The following PACSIN1 variants were observed in gnomAD, a reference collection of about 807,000 sequenced individuals.
PACSIN1 encodes the protein protein kinase C and casein kinase substrate in neurons protein 1.
A neutral mutation model predicts 59.5 loss-of-function variants in PACSIN1; 15 were observed. That is an observed-to-expected ratio of 0.25 (90% CI 0.17 to 0.39). The LOEUF is 0.39. Among genes scored for constraint, PACSIN1 ranks in the 10% least tolerant of loss-of-function variants. The pLI, the probability that PACSIN1 is intolerant of heterozygous loss-of-function variation, is 1.00. For synonymous variants in PACSIN1, 210 were observed against 220.6 expected, an observed-to-expected ratio of 0.95 and a Z score of 0.42; for missense variants, 420 against 580.2, an observed-to-expected ratio of 0.72 and a Z score of 2.84.
In PACSIN1 at chr6:34,528,860, G is replaced by A; in HGVS notation, c.439G>A (p.Ala147Thr). The part of the protein sequence containing the change: ...DGFRKAQKPW[A>T]KKMKELEAAK... ...CTTCCGCAAGGCCCAGAAGCCTTGGGCCAAGAAGATGAAGGAGGTGCTCAG... is the reference window on the plus strand; with the variant it reads ...CTTCCGCAAGGCCCAGAAGCCTTGGACCAAGAAGATGAAGGAGGTGCTCAG... Residue 147 changes from alanine to threonine, a missense_variant, in exon 4 of 10, where the codon GCC becomes ACC. Ala to Thr is a moderately conservative substitution (Grantham distance 58). Coordinates refer to ENST00000244458, the MANE Select transcript of PACSIN1 (RefSeq NM_020804.5). The A allele has an allele frequency of 7.3e-7, 1 of 1,376,232 alleles. No homozygotes were observed. The allele number at this position is 1,376,232 out of a possible 1,614,324, so 85.3% of individuals were successfully genotyped here.
chr6:34,489,495 C>T (rs993736107), intron 1 of PACSIN1, among the ~76,000 whole-genome samples: 1 of 152,108 alleles, frequency 6.6e-6, no homozygotes, highest in African/African-American at 2.4e-5. Context: ...ACAGCCACAC[C>T]TCCTTCAATG....
intron 4 of PACSIN1, 38 bp downstream of exon 4, chr6:34,528,915 G>GGGGGGGGGGGGGGGC: frequency 3.1e-6 from 2 of 653,166 alleles, no homozygotes; most frequent in Non-Finnish European, 2.7e-6. Context: ...GGTGGGGTGG[G>GGGGGGGGGGGGGGGC]CCCGTCTGAT....
At position 34,527,316 on chromosome 6, in the gene PACSIN1, GC is replaced by G. The variant is rs769306536; in HGVS notation, c.64-15del. On this transcript the variant is annotated splice_polypyrimidine_tract_variant and intron_variant, in intron 2 of 9. Transcript: ENST00000244458. The stretch of plus-strand genomic sequence containing the variant: ...CTGGGAACCCGCGGGAGTGGTGCTC[GC>G]TGCTTGGCCGCCAGGTGGGGAACTA... The G allele has an allele frequency of 6.5e-7, 1 of 1,538,544 alleles. No individual in the cohort carries two copies. Among genetic ancestry groups the G allele is most frequent in the South Asian group, 1.2e-5 (1 of 82,666 alleles).
Position 34,532,652 on chromosome 6 carries a change from T to TA in PACSIN1, c.*126dup. The TA allele has an allele frequency of 1.5e-6, 1 of 656,226 alleles. No individual in the cohort carries two copies. The highest frequency in any genetic ancestry group is 2.7e-6 in the Non-Finnish European group (1 of 375,470). 40.7% of individuals were successfully genotyped at this position (656,226 alleles called of 1,614,324 possible). On this transcript the variant is annotated 3_prime_UTR_variant, in exon 10 of 10. Transcript: ENST00000244458. The surrounding 1 kb of genome is among the most constrained non-coding windows in gnomAD (Gnocchi z 5.2). ...TTTTCCGATCAAGCTTTTATTTTTT[T>TA]AAAAGTCAAAACAGAACAAAACAAA... is the stretch of plus-strand genomic sequence containing the variant.
intron 1 of PACSIN1, among the ~76,000 whole-genome samples, chr6:34,490,969 C>G (rs1375240338): frequency 6.6e-6 from 1 of 152,158 alleles, no homozygotes; most frequent in Non-Finnish European, 1.5e-5. Context: ...CTTGGGCCAG[C>G]CCCTGATCCT....
chr6:34,467,440 A>G (rs1766511913), intron 1 of PACSIN1, among the ~76,000 whole-genome samples: 2 of 152,212 alleles, frequency 1.3e-5, no homozygotes, highest in African/African-American at 4.8e-5. Flanking sequence ...ACTCTGGGAA[A>G]TAGCTGGCAA....
In PACSIN1 at chr6:34,532,060, G is replaced by A. The variant is rs1396572306; in HGVS notation, c.1225+273G>A. ...TGCGAGGATTTGCAGGGAACTAAAT[G>A]GGGCGTGGCCTGGGTTGTGGGCGTG... is the stretch of plus-strand genomic sequence containing the variant. On this transcript the variant is annotated intron_variant, in intron 9 of 9. Coordinates refer to ENST00000244458, the MANE Select transcript of PACSIN1 (RefSeq NM_020804.5). This position sits in a 1 kb window ranked among gnomAD's most constrained non-coding sequence, Gnocchi z 5.2. Among the ~76,000 whole-genome samples, 1 of 152,262 alleles carries A rather than the reference G, an allele frequency of 6.6e-6. No individual in the cohort carries two copies. Among genetic ancestry groups the A allele is most frequent in the Non-Finnish European group, 1.5e-5 (1 of 68,012 alleles).
intron 1 of PACSIN1, among the ~76,000 whole-genome samples, chr6:34,504,976 C>CTGT (rs1314565056): frequency 6.6e-6 from 1 of 151,336 alleles, no homozygotes; most frequent in East Asian, 1.9e-4. Context: ...TTGTTTTTCC[C>CTGT]TGTTATTATT....
At chr6:34,483,879 C>G (rs1166383631) in intron 1 of PACSIN1, among the ~76,000 whole-genome samples, 1 of 151,990 alleles carries the variant, frequency 6.6e-6, no homozygotes, top group Non-Finnish European at 1.5e-5. Flanking sequence ...GAACTCCCAA[C>G]CTCAGGTGAT....
Position 34,527,351 on chromosome 6 carries a change from C to CG in PACSIN1, c.83_84insG (p.Val29ArgfsTer6). On this transcript the variant is annotated frameshift_variant, in exon 3 of 10. Transcript: ENST00000244458. LOFTEE classifies it high-confidence loss of function. ...CGCCAGGTGGGGAACTACAAGCGGA[C>CG]CGTGAAGCGCATCGATGACGGCCAC... The CG allele has an allele frequency of 6.3e-7, 1 of 1,588,374 alleles. No homozygotes were observed. Among genetic ancestry groups the CG allele is most frequent in the Non-Finnish European group, 8.6e-7 (1 of 1,168,346 alleles).
In PACSIN1 at chr6:34,516,030, C is replaced by T. The variant is rs1037716029; in HGVS notation, c.-63-10213C>T. ...TTTGCCCTGAATGGAGCTGAGCCACCTTGGGTGGCATAGGGAGGAGATGCT... is the reference window on the plus strand; with the variant it reads ...TTTGCCCTGAATGGAGCTGAGCCACTTTGGGTGGCATAGGGAGGAGATGCT... On this transcript the variant is annotated intron_variant, in intron 1 of 9. Transcript: ENST00000244458. This position sits in a 1 kb window ranked among gnomAD's most constrained non-coding sequence, Gnocchi z 5.4. Among the ~76,000 whole-genome samples the T allele has an allele frequency of 3.3e-5, 5 of 152,118 alleles. No individual in the cohort carries two copies. The highest frequency in any genetic ancestry group is 9.7e-5 in the African/African-American group (4 of 41,422).
chr6:34,513,189 T>C (rs761715444), intron 1 of PACSIN1, among the ~76,000 whole-genome samples: 4 of 152,224 alleles, frequency 2.6e-5, no homozygotes, highest in African/African-American at 9.6e-5. Context: ...TTTTCTCTTA[T>C]CTCTTGGCAT....
At chr6:34,475,902 G>A (rs1766632732) in intron 1 of PACSIN1, among the ~76,000 whole-genome samples, 3 of 152,236 alleles carry the variant, frequency 2.0e-5, no homozygotes, top group African/African-American at 7.2e-5. Flanking sequence ...GCACAGCCAG[G>A]AAGGGGTTAG....
rs913444092 is a variant in PACSIN1 at position 34,532,031 on chromosome 6, G to C, written c.1225+244G>C. The stretch of plus-strand genomic sequence containing the variant: ...TGGGGTAGAGGCAGGATCTGAAGAC[G>C]GGTTGCGAGGATTTGCAGGGAACTA... On this transcript the variant is annotated intron_variant, in intron 9 of 9. Transcript: ENST00000244458. This position sits in a 1 kb window ranked among gnomAD's most constrained non-coding sequence, Gnocchi z 5.2. Among the ~76,000 whole-genome samples the C allele has an allele frequency of 6.6e-6, 1 of 152,222 alleles. No individual in the cohort carries two copies. The highest frequency in any genetic ancestry group is 6.5e-5 in the Admixed American group (1 of 15,292).
intron 1 of PACSIN1, among the ~76,000 whole-genome samples, chr6:34,501,703 A>G (rs542748537): frequency 4.6e-5 from 7 of 152,168 alleles, no homozygotes; most frequent in Non-Finnish European, 8.8e-5. Context: ...CACCAATATC[A>G]GCATGGGGAA....
chr6:34,521,352 C>T lies in PACSIN1; in HGVS notation c.-63-4891C>T, dbSNP rs763572379. On this transcript the variant is annotated intron_variant, in intron 1 of 9. Coordinates refer to ENST00000244458, the MANE Select transcript of PACSIN1 (RefSeq NM_020804.5). This position sits in a 1 kb window ranked among gnomAD's most constrained non-coding sequence, Gnocchi z 4.3. Reference sequence around the variant, plus strand: ...AATCCACACGGCGCCTTGGTCCACACGAGGCCTGGCCTCTCCAGGCTCCTG... The same window carrying T: ...AATCCACACGGCGCCTTGGTCCACATGAGGCCTGGCCTCTCCAGGCTCCTG... 6.6e-6 allele frequency among the ~76,000 whole-genome samples: 1 copy of T among 152,170 alleles called. No individual in the cohort carries two copies. The highest frequency in any genetic ancestry group is 2.4e-5 in the African/African-American group (1 of 41,436).
At chr6:34,510,843 G>T (rs1275800829) in intron 1 of PACSIN1, among the ~76,000 whole-genome samples, 2 of 152,192 alleles carry the variant, frequency 1.3e-5, no homozygotes, top group Non-Finnish European at 2.9e-5. Context: ...CTCCCGAGTA[G>T]CTGGGACTAC....
intron 1 of PACSIN1, among the ~76,000 whole-genome samples, chr6:34,524,422 C>T (rs561372420): frequency 4.6e-5 from 7 of 152,302 alleles, no homozygotes; most frequent in Admixed American, 4.6e-4. Flanking sequence ...TCTCCCCCTG[C>T]GTCCCCTGGC....
Position 34,504,288 on chromosome 6 carries a change from ATATTTTT to A in PACSIN1, c.-63-21953_-63-21947del, listed in dbSNP as rs1222358415. Reference sequence around the variant, plus strand: ...TGTGTGTGTATATATATATATATATATATTTTTTTTTTTTTTTTTTTAAACGGAGTTT... The same window carrying A: ...TGTGTGTGTATATATATATATATATATTTTTTTTTTTTTTAAACGGAGTTT... On this transcript the variant is annotated intron_variant, in intron 1 of 9. Coordinates refer to ENST00000244458, the MANE Select transcript of PACSIN1 (RefSeq NM_020804.5). Among the ~76,000 whole-genome samples the A allele has an allele frequency of 5.9e-3, 594 of 99,962 alleles. 1 individual carries two copies. The highest frequency in any genetic ancestry group is 0.017 in the Middle Eastern group (3 of 180). The allele number at this position is 99,962 out of a possible 152,430, so 65.6% of individuals were successfully genotyped here. A position where few individuals can be genotyped will look rare whatever the true frequency, so the allele number is the denominator to read the frequency against.
Sources: gnomAD v4.1 joint callset for allele counts (sites outside exome capture counted in the v4.1 genomes callset) on GRCh38, gnomAD v4.1.1 for gene constraint, Gnocchi (gnomAD v3.1) non-coding constraint, MANE v1.5 for transcripts, NCBI Gene and HGNC (gene_info 2026-07-23, HGNC 2026-07-21) for gene names.